Variants in CYP4F8 observed in about 807,000 individuals in gnomAD.
CYP4F8 encodes the protein cytochrome P450 4F8.
In CYP4F8, 56 loss-of-function variants were observed where a neutral mutation model predicts 55.0. The ratio of observed to expected loss-of-function variants is 1.02; its 90% CI spans 0.82 to 1.27. The LOEUF is 1.27. CYP4F8 is among the 50% of genes most tolerant of loss of function. The pLI is 0.00. For missense variants in CYP4F8, 680 were observed against 682.4 expected, an observed-to-expected ratio of 1.00 and a Z score of 0.04; for synonymous variants, 288 against 267.3, an observed-to-expected ratio of 1.08 and a Z score of -0.76.
chr19:15,629,013 G>T (rs940959145), intron 12 of CYP4F8, among the ~76,000 whole-genome samples, 170 bp downstream of exon 12: 2 of 152,162 alleles, frequency 1.3e-5, no homozygotes, highest in African/African-American at 4.8e-5. Flanking sequence ...TTCAGTTGGG[G>T]CTGGGGTCTG....
At position 15,615,752 on chromosome 19, in the gene CYP4F8, C is replaced by G; in HGVS notation, c.136C>G (p.Arg46Gly). Residue 46 changes from arginine (R) to glycine (G), a missense_variant, in exon 2 of 13, where the codon CGC becomes GGC. Arg to Gly is a moderately radical substitution (Grantham distance 125). Transcript: ENST00000612078. ...AWTYAFYHNG[R>G]RLRCFPQPRK... is the part of the protein sequence containing the mutation. ...GACCTATGCCTTCTATCACAACGGC[C>G]GCCGCCTCCGGTGTTTCCCGCAGCC... 6.2e-7 allele frequency: 1 copy of G among 1,613,848 alleles called. No individual in the cohort carries two copies. The highest frequency in any genetic ancestry group is 8.5e-7 in the Non-Finnish European group (1 of 1,179,800).
chr19:15,624,038 C>T lies in CYP4F8; in HGVS notation c.1059C>T (p.Arg353=), dbSNP rs1972231697. The change falls in exon 9 of 13, where the codon CGC becomes CGT. Residue 353 remains arginine (R), a synonymous_variant. Coordinates refer to ENST00000612078, the MANE Select transcript of CYP4F8 (RefSeq NM_007253.4). ...CGAGGCACCCAGAATACCAAGAACG[C>T]TGCCGGCAGGAGGTGCAAGAGCTTC... is the stretch of plus-strand genomic sequence containing the variant. ...NLARHPEYQE[R]CRQEVQELLK... 1 of 1,614,094 alleles carries T rather than the reference C, an allele frequency of 6.2e-7. No individual in the cohort carries two copies. The highest frequency in any genetic ancestry group is 1.1e-5 in the South Asian group (1 of 91,086).
At chr19:15,619,564 G>A (rs140718415) in intron 4 of CYP4F8, 21 bp downstream of exon 4, 9 of 1,614,030 alleles carry the variant, frequency 5.6e-6, no homozygotes, top group East Asian at 2.2e-5. Context: ...GTAGGTGGAC[G>A]GGACGGGGAC....
chr19:15,625,348 T>TGTATATATATATATA lies in CYP4F8; in HGVS notation c.1115+1265_1115+1266insTATAGTATATATATA, dbSNP rs1221675728. 1.2e-3 allele frequency among the ~76,000 whole-genome samples: 169 copies of TGTATATATATATATA among 145,012 alleles called. 1 individual carries two copies. The highest frequency in any genetic ancestry group is 3.7e-3 in the African/African-American group (151 of 40,520). ...TGTGTGTGTATATATATATATATAG[T>TGTATATATATATATA]GTATATATATAGTGTATATATATAT... is the stretch of plus-strand genomic sequence containing the variant. On this transcript the variant is annotated intron_variant, in intron 9 of 12. Transcript: ENST00000612078.
chr19:15,628,420 C>G lies in CYP4F8; in HGVS notation c.1234C>G (p.Arg412Gly). 3.7e-6 allele frequency: 6 copies of G among 1,614,092 alleles called. No individual in the cohort carries two copies. Among genetic ancestry groups the G allele is most frequent in the Non-Finnish European group, 5.1e-6 (6 of 1,179,998 alleles). Residue 412 changes from arginine to glycine, a missense_variant, in exon 10 of 13, where the codon CGA becomes GGA. Coordinates refer to ENST00000612078, the MANE Select transcript of CYP4F8 (RefSeq NM_007253.4). Reference protein sequence around the residue: ...CTQDVVLPDSRVIPKGNVCNI... With the variant: ...CTQDVVLPDSGVIPKGNVCNI... The stretch of plus-strand genomic sequence containing the variant: ...CCAGGACGTGGTGCTCCCAGACAGC[C>G]GAGTCATCCCCAAAGGTGCCCTCCA...
intron 5 of CYP4F8, among the ~76,000 whole-genome samples, chr19:15,620,992 G>T (rs990314859): frequency 3.0e-4 from 46 of 152,274 alleles, no homozygotes; most frequent in African/African-American, 9.4e-4. Context: ...TATTACTCAT[G>T]TCTCAGCAAG....
chr19:15,622,565 G>C (rs915203066), intron 6 of CYP4F8, among the ~76,000 whole-genome samples: 1 of 152,180 alleles, frequency 6.6e-6, no homozygotes, highest in African/African-American at 2.4e-5. Flanking sequence ...AAGATGAACA[G>C]AGCATGTGCA....
intron 6 of CYP4F8, 70 bp downstream of exon 6, chr19:15,622,410 A>T: frequency 1.3e-6 from 2 of 1,587,456 alleles, no homozygotes; most frequent in Non-Finnish European, 8.6e-7. Flanking sequence ...AGCAAAGCCC[A>T]GGGAGACAAG....
intron 11 of CYP4F8, 56 bp from the exon 12 acceptor site, chr19:15,628,705 G>A (rs574988817): frequency 7.3e-5 from 118 of 1,608,468 alleles, no homozygotes; most frequent in Non-Finnish European, 9.4e-5. Flanking sequence ...TTTATGTGGG[G>A]GTGGCTGGGT....
At position 15,624,073 on chromosome 19, in the gene CYP4F8, G is replaced by T; in HGVS notation, c.1094G>T (p.Arg365Leu). The T allele has an allele frequency of 6.2e-7, 1 of 1,614,138 alleles. No individual in the cohort carries two copies. Among genetic ancestry groups the T allele is most frequent in the Non-Finnish European group, 8.5e-7 (1 of 1,179,996 alleles). Reference protein sequence around the residue: ...RQEVQELLKDREPKEIEWDDL... With the variant: ...RQEVQELLKDLEPKEIEWDDL... The stretch of plus-strand genomic sequence containing the variant: ...GAGGTGCAAGAGCTTCTGAAGGACC[G>T]TGAGCCTAAAGAGATTGAATGGTGA... Residue 365 changes from arginine (R) to leucine (L), a missense_variant, in exon 9 of 13, where the codon CGT becomes CTT. Coordinates refer to ENST00000612078, the MANE Select transcript of CYP4F8 (RefSeq NM_007253.4).
chr19:15,617,176 T>G (rs11673414), intron 2 of CYP4F8, among the ~76,000 whole-genome samples: 70,710 of 151,568 alleles, frequency 0.47, 17,147 homozygotes, highest in Non-Finnish European at 0.53. Flanking sequence ...CCACGTGACT[T>G]TCCGTGGGCT....
rs755345261 is a variant in CYP4F8 at position 15,628,607 on chromosome 19, C to T, written c.1314+12C>T. 3.8e-5 allele frequency: 62 copies of T among 1,612,766 alleles called. No homozygotes were observed. Among genetic ancestry groups the T allele is most frequent in the Non-Finnish European group, 4.9e-5 (58 of 1,179,368 alleles). On this transcript the variant is annotated intron_variant, in intron 11 of 12. Transcript: ENST00000612078. ...GGCCAGACCCTGAGGTGCTGCCCCT[C>T]CCTGTTTCTCCATCCCCCGGGCCTG...
Position 15,618,074 on chromosome 19 carries a change from G to T in CYP4F8, c.273G>T (p.Trp91Cys). Residue 91 changes from tryptophan (W) to cysteine (C), a missense_variant, in exon 3 of 13, where the codon TGG becomes TGT. Transcript: ENST00000612078. ...VATYPQGFVR[W>C]LGPITPIINL... Reference sequence around the variant, plus strand: ...CCTACCCCCAGGGCTTTGTGAGGTGGTTGGGCCCCATCACTCCCATCATCA... The same window carrying T: ...CCTACCCCCAGGGCTTTGTGAGGTGTTTGGGCCCCATCACTCCCATCATCA... 2 of 1,614,066 alleles carry T rather than the reference G, an allele frequency of 1.2e-6. No individual in the cohort carries two copies. Among genetic ancestry groups the T allele is most frequent in the Non-Finnish European group, 8.5e-7 (1 of 1,179,986 alleles).
chr19:15,619,337 C>G, intron 3 of CYP4F8, 153 bp from the exon 4 acceptor site: 2 of 814,140 alleles, frequency 2.5e-6, no homozygotes, highest in Non-Finnish European at 3.8e-6. Context: ...TTTATGCCCC[C>G]CACCCTCCTT....
Position 15,630,618 on chromosome 19 carries a change from G to A in CYP4F8, c.*1260G>A, listed in dbSNP as rs1197266470. On this transcript the variant is annotated 3_prime_UTR_variant, in exon 13 of 13. Coordinates refer to ENST00000612078, the MANE Select transcript of CYP4F8 (RefSeq NM_007253.4). Reference sequence around the variant, plus strand: ...TCTTCGCTATTGTGATTAGAGCTGCGATAAACATGTGGATGCTTGTGTCTT... The same window carrying A: ...TCTTCGCTATTGTGATTAGAGCTGCAATAAACATGTGGATGCTTGTGTCTT... The A allele has an allele frequency of 1.3e-5, 2 of 152,188 alleles. No homozygotes were observed. The highest frequency in any genetic ancestry group is 2.1e-4 in the South Asian group (1 of 4,826). The allele number at this position is 152,188 out of a possible 1,614,324, so 9.4% of individuals were successfully genotyped here.
rs4239614 is a variant in CYP4F8, at chr19:15,629,410, C to T, written c.*52C>T. The stretch of plus-strand genomic sequence containing the variant: ...TTTGCATCACCTACCTTTGCACCAA[C>T]TACCTTTTCAGATTTCCGGTAATAA... On this transcript the variant is annotated 3_prime_UTR_variant, in exon 13 of 13. Transcript: ENST00000612078. 1,111,299 of 1,513,112 alleles carry T rather than the reference C, an allele frequency of 0.73. 408,885 individuals are homozygous for T. The highest frequency in any genetic ancestry group is 0.78 in the Admixed American group (34,644 of 44,288). 93.7% of individuals were successfully genotyped at this position (1,513,112 alleles called of 1,614,324 possible). A position where few individuals can be genotyped will look rare whatever the true frequency, so the allele number is the denominator to read the frequency against.
intron 3 of CYP4F8, 59 bp from the exon 4 acceptor site, chr19:15,619,431 T>C (rs990913636): frequency 1.2e-6 from 2 of 1,601,776 alleles, no homozygotes; most frequent in African/African-American, 1.3e-5. Context: ...CCACCCTCCA[T>C]ACCCAAAGTC....
Position 15,622,204 on chromosome 19 carries a change from C to T in CYP4F8, c.526-15C>T. ...GCCAAGGCCTGGCCCCAGCCCTGCTCCCTTCTCTGGCCAGGCCAAGTGGCA... is the reference window on the plus strand; with the variant it reads ...GCCAAGGCCTGGCCCCAGCCCTGCTTCCTTCTCTGGCCAGGCCAAGTGGCA... On this transcript the variant is annotated splice_polypyrimidine_tract_variant and intron_variant, in intron 5 of 12. Transcript: ENST00000612078. 6.2e-7 allele frequency: 1 copy of T among 1,611,838 alleles called. No individual in the cohort carries two copies. Among genetic ancestry groups the T allele is most frequent in the Non-Finnish European group, 8.5e-7 (1 of 1,178,896 alleles).
Position 15,623,706 on chromosome 19 carries a change from A to G in CYP4F8, c.926A>G (p.Asn309Ser). The G allele has an allele frequency of 6.2e-7, 1 of 1,614,160 alleles. No homozygotes were observed. Among genetic ancestry groups the G allele is most frequent in the Non-Finnish European group, 8.5e-7 (1 of 1,180,010 alleles). Residue 309 changes from asparagine to serine, a missense_variant, in exon 8 of 13, where the codon AAT becomes AGT. Transcript: ENST00000612078. Reference sequence around the variant, plus strand: ...TGGGGTTCTTGTCTCCAGGATAAAAATGGTAAAGAGTTGTCAGATGAGGAC... The same window carrying G: ...TGGGGTTCTTGTCTCCAGGATAAAAGTGGTAAAGAGTTGTCAGATGAGGAC... ...IDVLLLSEDK[N>S]GKELSDEDIR...
Sources: allele counts gnomAD v4.1 joint callset (sites outside exome capture counted in the v4.1 genomes callset), GRCh38; gene constraint gnomAD v4.1.1; transcripts MANE v1.5; gene names NCBI Gene and HGNC (gene_info 2026-07-23, HGNC 2026-07-21).